The following RORB variants were observed in gnomAD, a reference collection of about 807,000 sequenced individuals.
RORB encodes nuclear receptor ROR-beta.
In RORB, 6 loss-of-function variants were observed where a neutral mutation model predicts 59.1. The observed-to-expected ratio is 0.10, with a 90% confidence interval of 0.06 to 0.20. The LOEUF (loss-of-function observed/expected upper bound fraction) is 0.20, where lower values mean the gene tolerates loss of function less well. Ranked by LOEUF, RORB falls within the 10% of genes least tolerant of loss-of-function variation. The pLI, the probability that RORB is intolerant of heterozygous loss-of-function variation, is 1.00. For synonymous variants in RORB, 215 were observed against 204.5 expected, an observed-to-expected ratio of 1.05 and a Z score of -0.44; for missense variants, 320 against 560.5, an observed-to-expected ratio of 0.57 and a Z score of 4.33.
intron 1 of RORB, among the ~76,000 whole-genome samples, chr9:74,584,417 G>A (rs948399798): frequency 1.6e-4 from 25 of 152,098 alleles, no homozygotes; most frequent in Admixed American, 1.5e-3. Flanking sequence ...TTACTTATAG[G>A]GTTGTTGTGA....
rs1824502044 is a variant in RORB, at chr9:74,679,283, T to C, written c.1225-6180T>C. ...TTTGATTTATACTTTAAAATGTCTA[T>C]ACTTTTTAAAAGTATAACATACATA... On this transcript the variant is annotated intron_variant, in intron 9 of 9. Transcript: ENST00000376896. Among the ~76,000 whole-genome samples, 3 of 152,308 alleles carry C rather than the reference T, an allele frequency of 2.0e-5. No homozygotes were observed. In the South Asian group the frequency reaches 6.2e-4, roughly 32 times the overall value.
intron 4 of RORB, among the ~76,000 whole-genome samples, chr9:74,652,743 G>A (rs1194764429): frequency 6.6e-6 from 1 of 152,094 alleles, no homozygotes; most frequent in East Asian, 1.9e-4. Context: ...GCATGTAAAG[G>A]AGATTGAAAG....
chr9:74,518,734 GC>G (rs1252245816), intron 1 of RORB, among the ~76,000 whole-genome samples: 1 of 151,940 alleles, frequency 6.6e-6, no homozygotes, highest in Non-Finnish European at 1.5e-5. Flanking sequence ...GGGAACAGGA[GC>G]TTTTATAGAC....
At chr9:74,648,079 A>G (rs2118477910) in intron 4 of RORB, among the ~76,000 whole-genome samples, 1 of 152,338 alleles carries the variant, frequency 6.6e-6, no homozygotes, top group East Asian at 1.9e-4. Context: ...TTCCATTTAG[A>G]GGTAACTGTC....
At chr9:74,598,298 T>C (rs1587377807) in intron 1 of RORB, among the ~76,000 whole-genome samples, 2 of 152,234 alleles carry the variant, frequency 1.3e-5, no homozygotes, top group East Asian at 3.9e-4. Context: ...TCATCTTTTT[T>C]AGGTTCTGTT....
chr9:74,558,573 G>A (rs974996137), intron 1 of RORB, among the ~76,000 whole-genome samples: 1 of 152,122 alleles, frequency 6.6e-6, no homozygotes, highest in Non-Finnish European at 1.5e-5. Context: ...CCCTTGCATG[G>A]GTTGAGTGGA....
chr9:74,590,769 TTTTTGTTTTGTTTTG>T (rs201941714), intron 1 of RORB, among the ~76,000 whole-genome samples: 3 of 152,092 alleles, frequency 2.0e-5, no homozygotes, highest in African/African-American at 7.2e-5. Flanking sequence ...CTAATCTGTT[TTTTTGTTTTGTTTTG>T]TTTTGTTTTG....
intron 1 of RORB, among the ~76,000 whole-genome samples, chr9:74,586,678 T>A (rs960745921): frequency 8.0e-5 from 12 of 150,660 alleles, no homozygotes; most frequent in Non-Finnish European, 1.2e-4. Flanking sequence ...TTGTTCCTAC[T>A]TCTTATGCTA....
Position 74,522,232 on chromosome 9 carries a change from G to T in RORB, c.7+24249G>T, listed in dbSNP as rs553906186. ...ACATTTTCAGCCCTCTAAAAAATTG[G>T]CTGTCTTTGGAGAATTGCATTGTGT... On this transcript the variant is annotated intron_variant, in intron 1 of 9. Coordinates refer to ENST00000376896, the MANE Select transcript of RORB (RefSeq NM_006914.4). Among the ~76,000 whole-genome samples, 344 of 151,722 alleles carry T rather than the reference G, an allele frequency of 2.3e-3. 2 individuals are homozygous for T. Among genetic ancestry groups the T allele is most frequent in the African/African-American group, 8.0e-3 (331 of 41,460 alleles).
intron 3 of RORB, 123 bp downstream of exon 3, chr9:74,634,895 C>A: frequency 1.1e-6 from 1 of 878,534 alleles, no homozygotes; most frequent in Non-Finnish European, 1.7e-6. Context: ...AAGAAAATCA[C>A]TGTGCTGCTA....
chr9:74,524,473 C>T (rs1826127613), intron 1 of RORB, among the ~76,000 whole-genome samples: 1 of 151,812 alleles, frequency 6.6e-6, no homozygotes, highest in African/African-American at 2.4e-5. Context: ...AAGCTAATTA[C>T]CTTTATTTTT....
At chr9:74,642,894 T>A (rs1376634944) in intron 4 of RORB, 79 bp downstream of exon 4, 8 of 1,101,638 alleles carry the variant, frequency 7.3e-6, no homozygotes, top group Non-Finnish European at 1.0e-5. Context: ...GTATGGTAAT[T>A]TTCTTAAGAC....
At chr9:74,645,419 G>T (rs1299900632) in intron 4 of RORB, among the ~76,000 whole-genome samples, 1 of 152,116 alleles carries the variant, frequency 6.6e-6, no homozygotes, top group Non-Finnish European at 1.5e-5. Flanking sequence ...GAGTCAAAGT[G>T]CCTGCATTTA....
chr9:74,612,741 T>G (rs1425743919), intron 1 of RORB, among the ~76,000 whole-genome samples: 1 of 152,206 alleles, frequency 6.6e-6, no homozygotes, highest in African/African-American at 2.4e-5. Flanking sequence ...TTTCATTTAC[T>G]CAGGTTAATA....
intron 4 of RORB, among the ~76,000 whole-genome samples, chr9:74,652,700 C>T (rs1824014685): frequency 6.6e-6 from 1 of 152,024 alleles, no homozygotes; most frequent in South Asian, 2.1e-4. Context: ...TCAGTTATGC[C>T]ATTCGCTGAT....
At chr9:74,508,669 A>G (rs999798378) in intron 1 of RORB, among the ~76,000 whole-genome samples, 1 of 152,042 alleles carries the variant, frequency 6.6e-6, no homozygotes, top group African/African-American at 2.4e-5. Flanking sequence ...CTCCAAGATA[A>G]CAGTCTCAAG....
chr9:74,525,939 G>A (rs2118083925), intron 1 of RORB, among the ~76,000 whole-genome samples: 1 of 152,020 alleles, frequency 6.6e-6, no homozygotes, highest in Middle Eastern at 3.4e-3. Flanking sequence ...GGAAAAAATT[G>A]CAAAATGACT....
At chr9:74,528,352 T>C (rs564204315) in intron 1 of RORB, among the ~76,000 whole-genome samples, 1 of 152,048 alleles carries the variant, frequency 6.6e-6, no homozygotes, top group African/African-American at 2.4e-5. Flanking sequence ...AAAAGAAAAA[T>C]GTTTATTCTG....
intron 4 of RORB, among the ~76,000 whole-genome samples, chr9:74,659,129 A>G (rs1437342228): frequency 6.6e-6 from 1 of 152,196 alleles, no homozygotes; most frequent in Non-Finnish European, 1.5e-5. Flanking sequence ...CGGGGCTACC[A>G]TTTATTCAGT....
Sources: allele counts gnomAD v4.1 joint callset (sites outside exome capture counted in the v4.1 genomes callset), GRCh38; gene constraint gnomAD v4.1.1; transcripts MANE v1.5; gene names NCBI Gene and HGNC (gene_info 2026-07-23, HGNC 2026-07-21).